The following CIT variants were observed in gnomAD, a reference collection of about 807,000 sequenced individuals.
CIT encodes citron Rho-interacting kinase.
CIT carries 79 observed loss-of-function variants against 272.7 expected under a neutral mutation model. The ratio of observed to expected loss-of-function variants is 0.29; its 90% CI spans 0.24 to 0.35. The LOEUF (loss-of-function observed/expected upper bound fraction) is 0.35. Among genes scored for constraint, CIT ranks in the 10% least tolerant of loss-of-function variants. The probability of loss-of-function intolerance (pLI) is 1.00; values close to 1 mark genes in which losing one functional copy is unlikely to be tolerated. For synonymous variants in CIT, 948 were observed against 995.6 expected (o/e 0.95, Z 0.90); for missense variants, 1,909 against 2,618.3 (o/e 0.73, Z 5.91).
rs1469697540 is a variant in CIT at position 119,869,180 on chromosome 12, G to C, written c.118C>G (p.Gln40Glu). The C allele has an allele frequency of 1.9e-6, 3 of 1,605,196 alleles. No homozygotes were observed. In the Admixed American group the frequency reaches 5.3e-5, roughly 28 times the overall value. Residue 40 changes from glutamine to glutamate, a missense_variant, in exon 3 of 48, where the codon CAA becomes GAA. Transcript: ENST00000392521. ...CGGGAAAGAGGAGACATCTGCTGTT[G>C]AGTCATAAAGGGTGGTTTCCCCTAA... ...FFQGKPPFMT[Q>E]QQMSPLSREG...
At chr12:119,736,098 T>C (rs1302950667) in intron 24 of CIT, among the ~76,000 whole-genome samples, 2 of 152,214 alleles carry the variant, frequency 1.3e-5, no homozygotes, top group African/African-American at 4.8e-5. Context: ...TTTCAGAACA[T>C]TTAGCTTTCC....
At chr12:119,696,349 A>T (rs1320204445) in intron 46 of CIT, among the ~76,000 whole-genome samples, 1 of 152,186 alleles carries the variant, frequency 6.6e-6, no homozygotes, top group Non-Finnish European at 1.5e-5. Context: ...GGTGCCAAAT[A>T]CCCATGTGCT....
rs538834480 is a variant in CIT at position 119,875,861 on chromosome 12, G to A, written c.96+212C>T. ...AATTTAGCCGGGTGTGGTGGCAGGC[G>A]GCTGTAGTCCCAGCTACTCTGGAGG... On this transcript the variant is annotated intron_variant, in intron 2 of 47. Coordinates refer to ENST00000392521, the MANE Select transcript of CIT (RefSeq NM_001206999.2). 2.0e-5 allele frequency among the ~76,000 whole-genome samples: 3 copies of A among 152,182 alleles called. No homozygotes were observed. In the East Asian group the frequency reaches 5.8e-4, roughly 29 times the overall value.
chr12:119,839,459 T>A (rs1167191890), intron 5 of CIT, among the ~76,000 whole-genome samples: 1 of 152,206 alleles, frequency 6.6e-6, no homozygotes, highest in Non-Finnish European at 1.5e-5. Context: ...TTATCCGCTC[T>A]GCCCAATGTT....
At chr12:119,743,171 A>G (rs909805927) in intron 23 of CIT, among the ~76,000 whole-genome samples, 4 of 152,174 alleles carry the variant, frequency 2.6e-5, no homozygotes, top group East Asian at 1.9e-4. Context: ...TCGGAAATGA[A>G]TAAGTGCGTG....
chr12:119,743,813 C>T (rs1222628998), intron 23 of CIT, among the ~76,000 whole-genome samples: 10 of 151,932 alleles, frequency 6.6e-5, no homozygotes, highest in Admixed American at 6.6e-4. Flanking sequence ...TATTGGATTG[C>T]AAGTAAAATG....
At position 119,803,257 on chromosome 12, in the gene CIT, G is replaced by A. The variant is rs745388182; in HGVS notation, c.1244C>T (p.Pro415Leu). The A allele has an allele frequency of 1.1e-5, 18 of 1,604,510 alleles. No homozygotes were observed. Among genetic ancestry groups the A allele is most frequent in the Non-Finnish European group, 1.5e-5 (18 of 1,176,548 alleles). Reference sequence around the variant, plus strand: ...CTTGCTGTACGAAAACCCCACAAACGGCAGTTCTTCACCCGAGAAGCCTGA... The same window carrying A: ...CTTGCTGTACGAAAACCCCACAAACAGCAGTTCTTCACCCGAGAAGCCTGA... ...SPSGFSGEEL[P>L]FVGFSYSKAL... The change falls in exon 10 of 48, where the codon CCG becomes CTG. Residue 415 changes from proline to leucine, a missense_variant. Pro to Leu is a moderately conservative substitution (Grantham distance 98). This residue lies in a region of CIT where 529 missense variants were observed against 549.6 expected (regional missense o/e 0.96). Coordinates refer to ENST00000392521, the MANE Select transcript of CIT (RefSeq NM_001206999.2).
At chr12:119,862,339 G>GCACA (rs536128670) in intron 3 of CIT, among the ~76,000 whole-genome samples, 1 of 151,642 alleles carries the variant, frequency 6.6e-6, no homozygotes, top group African/African-American at 2.4e-5. Flanking sequence ...TATTTTTAAG[G>GCACA]CACACACACA....
rs57327382 is a variant in CIT, at chr12:119,731,813, A to AATATATATATATATAT, written c.3351-1199_3351-1184dup. ...AAAGCATAACTGTATTTCTCTCCTA[A>AATATATATATATATAT]ATATATATATATATATATATATATA... On this transcript the variant is annotated intron_variant, in intron 26 of 47. Transcript: ENST00000392521. 1.3e-3 allele frequency among the ~76,000 whole-genome samples: 176 copies of AATATATATATATATAT among 139,078 alleles called. 2 individuals are homozygous for AATATATATATATATAT. Among genetic ancestry groups the AATATATATATATATAT allele is most frequent in the African/African-American group, 4.7e-3 (170 of 35,984 alleles). 91.2% of individuals were successfully genotyped at this position (139,078 alleles called of 152,430 possible).
At chr12:119,735,625 T>C (rs1958709505) in intron 24 of CIT, among the ~76,000 whole-genome samples, 1 of 152,172 alleles carries the variant, frequency 6.6e-6, no homozygotes, top group African/African-American at 2.4e-5. Context: ...AAGTAATCAC[T>C]GCATGAAACG....
At chr12:119,742,487 T>C (rs1306377119) in intron 23 of CIT, 23 bp from the exon 24 acceptor site, 5 of 1,588,774 alleles carry the variant, frequency 3.1e-6, no homozygotes, top group Non-Finnish European at 4.3e-6. Flanking sequence ...AAGTTGATTA[T>C]AAATTTTTCA....
intron 5 of CIT, among the ~76,000 whole-genome samples, chr12:119,836,798 A>G (rs1969052536): frequency 6.6e-6 from 1 of 152,206 alleles, no homozygotes; most frequent in African/African-American, 2.4e-5. Flanking sequence ...ACTGAACACA[A>G]CTTAGTATTT....
In CIT at chr12:119,723,484, C is replaced by T. The variant is rs1453862378; in HGVS notation, c.3592-2035G>A. On this transcript the variant is annotated intron_variant, in intron 28 of 47. Transcript: ENST00000392521. ...CATTTACCTGCTTCCCAGAAAGAAGCAAACAGAGGTATATTCATGGGCCAG... is the reference window on the plus strand; with the variant it reads ...CATTTACCTGCTTCCCAGAAAGAAGTAAACAGAGGTATATTCATGGGCCAG... 2.7e-5 allele frequency among the ~76,000 whole-genome samples: 4 copies of T among 150,700 alleles called. No homozygotes were observed. In the East Asian group the frequency reaches 7.8e-4, roughly 29 times the overall value.
At chr12:119,722,673 T>G (rs1314914692) in intron 28 of CIT, among the ~76,000 whole-genome samples, 1 of 152,206 alleles carries the variant, frequency 6.6e-6, no homozygotes, top group African/African-American at 2.4e-5. Context: ...ATTTATCACC[T>G]CTCAGAGCCT....
rs118161806 is a variant in CIT at position 119,710,812 on chromosome 12, T to C, written c.4855-192A>G. ...AAATGCAAAATGCGAGTGCTATTGG[T>C]ATCTCTGGGGCAGCTGTTAATTAGC... is the stretch of plus-strand genomic sequence containing the variant. On this transcript the variant is annotated intron_variant, in intron 37 of 47. Coordinates refer to ENST00000392521, the MANE Select transcript of CIT (RefSeq NM_001206999.2). This position sits in a 1 kb window ranked among gnomAD's most constrained non-coding sequence, Gnocchi z 5.6. 2.7e-3 allele frequency: 1,821 copies of C among 666,340 alleles called. 3 individuals are homozygous for C. Among genetic ancestry groups the C allele is most frequent in the Non-Finnish European group, 4.2e-3 (1,618 of 389,324 alleles). The allele number at this position is 666,340 out of a possible 1,614,324, so 41.3% of individuals were successfully genotyped here. A position where few individuals can be genotyped will look rare whatever the true frequency, so the allele number is the denominator to read the frequency against.
At chr12:119,733,614 T>C (rs1958595234) in intron 26 of CIT, among the ~76,000 whole-genome samples, 1 of 151,672 alleles carries the variant, frequency 6.6e-6, no homozygotes, top group Non-Finnish European at 1.5e-5. Context: ...ACACAGGGGA[T>C]ATTGGGGGCA....
intron 47 of CIT, among the ~76,000 whole-genome samples, chr12:119,689,822 C>A (rs1224371639): frequency 6.6e-6 from 1 of 151,864 alleles, no homozygotes; most frequent in Non-Finnish European, 1.5e-5. Flanking sequence ...GGACTACAGG[C>A]ACCAGCCACC....
chr12:119,737,205 G>A (rs930300174), intron 24 of CIT, among the ~76,000 whole-genome samples: 3 of 151,002 alleles, frequency 2.0e-5, no homozygotes, highest in Non-Finnish European at 4.4e-5. Flanking sequence ...TACTCGGGAG[G>A]CTGAGGCAGG....
chr12:119,778,639 G>A (rs773088553), intron 13 of CIT, among the ~76,000 whole-genome samples: 1 of 151,966 alleles, frequency 6.6e-6, no homozygotes, highest in East Asian at 1.9e-4. Context: ...TGTAGCAGGT[G>A]ACGCCCCCCC....
Sources: gnomAD v4.1 joint callset for allele counts (sites outside exome capture counted in the v4.1 genomes callset) on GRCh38, gnomAD v4.1.1 for gene constraint, gnomAD v4.1.1 regional missense constraint, Gnocchi (gnomAD v3.1) non-coding constraint, MANE v1.5 for transcripts, NCBI Gene and HGNC (gene_info 2026-07-23, HGNC 2026-07-21) for gene names.